SYNE1: variants seen among roughly 807,000 people sequenced by gnomAD.
The protein encoded by SYNE1 is spectrin repeat containing nuclear envelope protein 1, also known as nesprin-1.
SYNE1 carries 616 observed loss-of-function variants against 1,111.0 expected under a neutral mutation model. The ratio of observed to expected loss-of-function variants is 0.55; its 90% CI spans 0.52 to 0.59. The LOEUF (loss-of-function observed/expected upper bound fraction) is 0.59, where lower values mean the gene tolerates loss of function less well. Ranked by LOEUF, SYNE1 falls within the 20% of genes least tolerant of loss-of-function variation. The pLI, the probability that SYNE1 is intolerant of heterozygous loss-of-function variation, is 0.00. For synonymous variants in SYNE1, 3,855 were observed against 3,825.8 expected, an observed-to-expected ratio of 1.01 and a Z score of -0.28; for missense variants, 10,006 against 10,417.0, an observed-to-expected ratio of 0.96 and a Z score of 1.72.
chr6:152,415,471 C>A (rs990779835), intron 41 of SYNE1, among the ~76,000 whole-genome samples: 2 of 152,114 alleles, frequency 1.3e-5, no homozygotes, highest in Non-Finnish European at 2.9e-5. Flanking sequence ...CTGTTTCACA[C>A]CATTTTCTTT....
At position 152,155,011 on chromosome 6, in the gene SYNE1, A is replaced by T. The variant is rs565177705; in HGVS notation, c.24010T>A (p.Phe8004Ile). Residue 8004 changes from phenylalanine (F) to isoleucine (I), a missense_variant, in exon 133 of 146, where the codon TTT becomes ATT. By Grantham distance (21) the Phe-to-Ile change is conservative (BLOSUM62 0). Around this residue, in one of 7 missense-constraint regions of SYNE1, gnomAD observed 2,182 missense variants for 2,287.8 expected, o/e 0.95. Transcript: ENST00000367255. ...IEETWRLWQK[F>I]LDDYSRFEDW... ...TCAAAACGTGAATAGTCATCCAGAA[A>T]TTTCTGCCACAATCGCCACGTCTCT... The T allele has an allele frequency of 1.2e-6, 2 of 1,614,200 alleles. No homozygotes were observed. Among genetic ancestry groups the T allele is most frequent in the South Asian group, 2.2e-5 (2 of 91,084 alleles).
intron 104 of SYNE1, among the ~76,000 whole-genome samples, chr6:152,250,036 G>T (rs1249068905): frequency 6.6e-6 from 1 of 151,986 alleles, no homozygotes; most frequent in Non-Finnish European, 1.5e-5. Context: ...GGTGCCTGAG[G>T]CAGATCACTT....
rs560291597 is a variant in SYNE1, at chr6:152,196,647, C to T, written c.23145+5177G>A. Among the ~76,000 whole-genome samples the T allele has an allele frequency of 1.5e-3, 234 of 151,946 alleles. 1 individual carries two copies. Among genetic ancestry groups the T allele is most frequent in the Middle Eastern group, 0.01 (3 of 294 alleles). On this transcript the variant is annotated intron_variant, in intron 127 of 145. Transcript: ENST00000367255. ...TATCTTACTGTAATTGAGTTGGTAT[C>T]CAAGTTGCAAAACAAAGTCCTCTTT... is the stretch of plus-strand genomic sequence containing the variant.
intron 3 of SYNE1, among the ~76,000 whole-genome samples, chr6:152,577,834 A>G (rs1285926992): frequency 6.6e-6 from 1 of 151,730 alleles, no homozygotes; most frequent in Non-Finnish European, 1.5e-5. Context: ...TAATTTACTT[A>G]TTTACTATAC....
chr6:152,155,405 G>A (rs563392181), intron 132 of SYNE1: 2 of 311,472 alleles, frequency 6.4e-6, no homozygotes, highest in East Asian at 8.2e-5. Context: ...AGACGAGGTC[G>A]GAAAATCCAT....
chr6:152,163,512 A>AAG (rs1424110892), intron 131 of SYNE1, among the ~76,000 whole-genome samples: 1 of 151,262 alleles, frequency 6.6e-6, no homozygotes, highest in Non-Finnish European at 1.5e-5. Context: ...AAAAAAAAAA[A>AAG]AAAAAAGAAA....
At chr6:152,478,459 G>C (rs941148517) in intron 14 of SYNE1, 3 of 152,296 alleles carry the variant, frequency 2.0e-5, no homozygotes, top group African/African-American at 7.2e-5. Flanking sequence ...CTTTTGGAGA[G>C]AGGGTGGGAT....
chr6:152,381,213 T>A lies in SYNE1; in HGVS notation c.8802A>T (p.Glu2934Asp). The change falls in exon 56 of 146, where the codon GAA (glutamate) becomes GAT (aspartate). Residue 2934 changes from glutamate to aspartate, a missense_variant. Physicochemically the swap from Glu to Asp is conservative, Grantham distance 45. Around this residue, in one of 7 missense-constraint regions of SYNE1, gnomAD observed 4,955 missense variants for 5,017.2 expected, o/e 0.99. Transcript: ENST00000367255. ...QALRADWKQWEDSVFQTQSCL... is the reference protein window; with the variant it reads ...QALRADWKQWDDSVFQTQSCL... ...AGCTCTGCGTTTGGAATACACTGTCTTCCCACTGCTTCCAGTCGGCACGCA... is the reference window on the plus strand; with the variant it reads ...AGCTCTGCGTTTGGAATACACTGTCATCCCACTGCTTCCAGTCGGCACGCA... 1 of 1,614,238 alleles carries A rather than the reference T, an allele frequency of 6.2e-7. No individual in the cohort carries two copies. Among genetic ancestry groups the A allele is most frequent in the Non-Finnish European group, 8.5e-7 (1 of 1,180,046 alleles).
intron 3 of SYNE1, among the ~76,000 whole-genome samples, chr6:152,571,724 TG>T (rs1472642908): frequency 1.3e-5 from 2 of 152,190 alleles, no homozygotes; most frequent in South Asian, 2.1e-4. Flanking sequence ...GTATCTGTAT[TG>T]GGTCAATTAC....
chr6:152,269,316 T>C, intron 98 of SYNE1, 30 bp from the exon 99 acceptor site: 2 of 1,613,736 alleles, frequency 1.2e-6, no homozygotes, highest in South Asian at 1.1e-5. Flanking sequence ...AATCAAGTCA[T>C]GCTACACACC....
intron 63 of SYNE1, among the ~76,000 whole-genome samples, chr6:152,363,302 G>A (rs2096972049): frequency 6.7e-6 from 1 of 148,654 alleles, no homozygotes; most frequent in Admixed American, 6.7e-5. Flanking sequence ...AGGCCATCCT[G>A]GCTAACACAG....
At chr6:152,358,327 T>C in intron 66 of SYNE1, 46 bp downstream of exon 66, 1 of 1,613,398 alleles carries the variant, frequency 6.2e-7, no homozygotes, top group Non-Finnish European at 8.5e-7. Flanking sequence ...AATAATTCCA[T>C]ATTCAGAATG....
intron 91 of SYNE1, among the ~76,000 whole-genome samples, chr6:152,305,015 C>T (rs933602866): frequency 6.6e-6 from 1 of 152,108 alleles, no homozygotes; most frequent in Non-Finnish European, 1.5e-5. Flanking sequence ...GTCAAATCCA[C>T]TAAAATAAAA....
chr6:152,578,007 G>A (rs2099506149), intron 3 of SYNE1, among the ~76,000 whole-genome samples: 1 of 152,100 alleles, frequency 6.6e-6, no homozygotes, highest in Non-Finnish European at 1.5e-5. Context: ...TTTTGTGAGT[G>A]TGGGAGTATA....
At chr6:152,597,339 A>C (rs375692215) in intron 3 of SYNE1, among the ~76,000 whole-genome samples, 1 of 152,216 alleles carries the variant, frequency 6.6e-6, no homozygotes, top group Non-Finnish European at 1.5e-5. Context: ...GGGCAGTGAC[A>C]TGATCAGGGC....
chr6:152,442,290 A>T (rs775443826), intron 30 of SYNE1, 45 bp from the exon 31 acceptor site: 8 of 1,607,806 alleles, frequency 5.0e-6, no homozygotes, highest in Non-Finnish European at 6.8e-6. Context: ...GTGCTCTCTA[A>T]ACAGCTAAGT....
At chr6:152,447,328 G>A in intron 29 of SYNE1, 130 bp downstream of exon 29, 1 of 1,024,188 alleles carries the variant, frequency 9.8e-7, no homozygotes. Context: ...TACAAAAAAA[G>A]CATAACAACA....
In SYNE1 at chr6:152,568,562, C is replaced by T. The variant is rs143243437; in HGVS notation, c.68-28541G>A. On this transcript the variant is annotated intron_variant, in intron 3 of 145. Coordinates refer to ENST00000367255, the MANE Select transcript of SYNE1 (RefSeq NM_182961.4). ...AGTTGATCCACCTGCTTTGTGCTCC[C>T]GAAGTGCTGGGATTACAGGCATGAG... Among the ~76,000 whole-genome samples, 13 of 152,158 alleles carry T rather than the reference C, an allele frequency of 8.5e-5. No individual in the cohort carries two copies. In the South Asian group the frequency reaches 1.0e-3, roughly 12 times the overall value.
intron 91 of SYNE1, among the ~76,000 whole-genome samples, chr6:152,307,966 G>A (rs1199886799): frequency 6.6e-6 from 1 of 152,080 alleles, no homozygotes; most frequent in Non-Finnish European, 1.5e-5. Flanking sequence ...CGAAGTAGCT[G>A]GGATTACAGG....
Sources: allele counts gnomAD v4.1 joint callset (sites outside exome capture counted in the v4.1 genomes callset), GRCh38; gene constraint gnomAD v4.1.1; regional missense constraint gnomAD v4.1.1; transcripts MANE v1.5; gene names NCBI Gene and HGNC (gene_info 2026-07-23, HGNC 2026-07-21).